DYNLT5: variants seen among roughly 807,000 people sequenced by gnomAD.
DYNLT5 encodes the protein dynein light chain Tctex-type family member 5.
Under a neutral mutation model 19.3 loss-of-function variants are expected in DYNLT5, and 25 were observed. That is an observed-to-expected ratio of 1.30 (90% CI 0.95 to 1.81). The LOEUF (loss-of-function observed/expected upper bound fraction) is 1.81, where lower values mean the gene tolerates loss of function less well. DYNLT5 is among the 40% of genes most tolerant of loss of function. The pLI, the probability that DYNLT5 is intolerant of heterozygous loss-of-function variation, is 0.00. For missense variants in DYNLT5, 232 were observed against 217.9 expected (o/e 1.06, Z -0.41); for synonymous variants, 82 against 68.9 (o/e 1.19, Z -0.94).
intron 2 of DYNLT5, among the ~76,000 whole-genome samples, chr1:66,767,735 CTTCT>C (rs1645173052): frequency 6.6e-6 from 1 of 152,160 alleles, no homozygotes; most frequent in South Asian, 2.1e-4. Flanking sequence ...AGTTCAGAGG[CTTCT>C]TTCTTATCTG....
At chr1:66,760,516 A>G (rs1323756594) in intron 2 of DYNLT5, among the ~76,000 whole-genome samples, 1 of 152,230 alleles carries the variant, frequency 6.6e-6, no homozygotes, top group East Asian at 1.9e-4. Context: ...CATAAGATGC[A>G]TTTACAGCAA....
chr1:66,759,118 C>T (rs1302176389), intron 2 of DYNLT5, among the ~76,000 whole-genome samples: 2 of 152,192 alleles, frequency 1.3e-5, no homozygotes, highest in East Asian at 1.9e-4. Context: ...AGCCATTTCA[C>T]ATACAATATC....
In DYNLT5 at chr1:66,778,162, G is replaced by C. The variant is rs533887537; in HGVS notation, c.*708G>C. 1.3e-5 allele frequency: 2 copies of C among 152,760 alleles called. No individual in the cohort carries two copies. Among genetic ancestry groups the C allele is most frequent in the South Asian group, 4.1e-4 (2 of 4,828 alleles). The allele number at this position is 152,760 out of a possible 1,614,324, so 9.5% of individuals were successfully genotyped here. ...AAAGGCTTTTTGGGACACTGAAGTA[G>C]ACATTGTGATATTAAATATACATGA... is the stretch of plus-strand genomic sequence containing the variant. On this transcript the variant is annotated 3_prime_UTR_variant, in exon 5 of 5. Coordinates refer to ENST00000282670, the MANE Select transcript of DYNLT5 (RefSeq NM_152665.3).
At chr1:66,756,048 G>A (rs950349639) in intron 2 of DYNLT5, among the ~76,000 whole-genome samples, 1 of 151,992 alleles carries the variant, frequency 6.6e-6, no homozygotes, top group East Asian at 1.9e-4. Flanking sequence ...TTGTCATATA[G>A]AATCAGAGTG....
chr1:66,767,731 G>C (rs1014616508), intron 2 of DYNLT5, among the ~76,000 whole-genome samples: 2 of 152,196 alleles, frequency 1.3e-5, no homozygotes, highest in African/African-American at 4.8e-5. Context: ...AGGAAGTTCA[G>C]AGGCTTCTTT....
At chr1:66,763,629 T>A (rs2094649640) in intron 2 of DYNLT5, among the ~76,000 whole-genome samples, 1 of 152,250 alleles carries the variant, frequency 6.6e-6, no homozygotes, top group Admixed American at 6.5e-5. Context: ...CACTTTTATG[T>A]TACAGAGATG....
chr1:66,776,221 G>A, intron 3 of DYNLT5, 58 bp from the exon 4 acceptor site: 2 of 1,580,128 alleles, frequency 1.3e-6, no homozygotes, highest in Non-Finnish European at 1.7e-6. Flanking sequence ...TAGCCTATGG[G>A]GTGGGTGGGT....
At chr1:66,766,215 A>G (rs576783748) in intron 2 of DYNLT5, among the ~76,000 whole-genome samples, 83 of 152,326 alleles carry the variant, frequency 5.4e-4, no homozygotes, top group African/African-American at 1.9e-3. Flanking sequence ...AATATTTTTT[A>G]TATTTAAAAA....
intron 3 of DYNLT5, among the ~76,000 whole-genome samples, chr1:66,771,458 G>A (rs759302627): frequency 1.3e-5 from 2 of 152,162 alleles, no homozygotes; most frequent in Non-Finnish European, 2.9e-5. Flanking sequence ...ATTCTAGGAT[G>A]GCATATAACC....
intron 4 of DYNLT5, among the ~76,000 whole-genome samples, 163 bp downstream of exon 4, chr1:66,776,566 T>G (rs554954647): frequency 5.5e-4 from 80 of 144,918 alleles, no homozygotes; most frequent in African/African-American, 1.3e-3. Flanking sequence ...TGTGGGTGTG[T>G]GTGTGTGTGT....
intron 3 of DYNLT5, among the ~76,000 whole-genome samples, chr1:66,773,998 C>T (rs764830667): frequency 6.6e-6 from 1 of 152,004 alleles, no homozygotes; most frequent in African/African-American, 2.4e-5. Context: ...TACTTCATTA[C>T]CATATTTCAA....
At position 66,777,392 on chromosome 1, in the gene DYNLT5, T is replaced by C; in HGVS notation, c.478T>C (p.Tyr160His). ...TCCTAAAAGTGATACCTTTTCATCT[T>C]ATGTTTTCAGAAATTCTTCTCTCTT... ...WDPKSDTFSS[Y>H]VFRNSSLFAL... The change falls in exon 5 of 5, where the codon TAT (tyrosine) becomes CAT (histidine). Residue 160 changes from tyrosine (Y) to histidine (H), a missense_variant. Coordinates refer to ENST00000282670, the MANE Select transcript of DYNLT5 (RefSeq NM_152665.3). 1 of 1,613,918 alleles carries C rather than the reference T, an allele frequency of 6.2e-7. No homozygotes were observed. Among genetic ancestry groups the C allele is most frequent in the African/African-American group, 1.3e-5 (1 of 75,042 alleles).
In DYNLT5 at chr1:66,753,997, C is replaced by T. The variant is rs919523171; in HGVS notation, c.-3-659C>T. ...GTAGAGTGGCTCATGCCTGTAATCC[C>T]AGCACTTTGGGAGGCTGAAGCAGGA... On this transcript the variant is annotated intron_variant, in intron 1 of 4. Coordinates refer to ENST00000282670, the MANE Select transcript of DYNLT5 (RefSeq NM_152665.3). Among the ~76,000 whole-genome samples, 3 of 151,620 alleles carry T rather than the reference C, an allele frequency of 2.0e-5. No homozygotes were observed. The South Asian group carries it at 6.3e-4, about 32-fold the overall frequency.
At chr1:66,775,937 G>C (rs114285111) in intron 3 of DYNLT5, among the ~76,000 whole-genome samples, 3,901 of 152,222 alleles carry the variant, frequency 0.026, 76 homozygotes, top group Non-Finnish European at 0.043. Context: ...AGATAGATTG[G>C]AGCGGGAGAT....
chr1:66,754,559 G>A (rs1366524737), intron 1 of DYNLT5, 97 bp from the exon 2 acceptor site: 14 of 1,309,090 alleles, frequency 1.1e-5, no homozygotes, highest in Non-Finnish European at 1.4e-5. Context: ...AAAATGGTAG[G>A]AAAACTATCT....
In DYNLT5 at chr1:66,771,327, A is replaced by G. The variant is rs569886817; in HGVS notation, c.211+849A>G. On this transcript the variant is annotated intron_variant, in intron 3 of 4. Transcript: ENST00000282670. ...ACAGCTAATATTCCTGCCATCCAAT[A>G]TACTTTTATACTTCTCTGGTAACCT... Among the ~76,000 whole-genome samples the G allele has an allele frequency of 4.6e-5, 7 of 152,310 alleles. No individual in the cohort carries two copies. The South Asian group carries it at 1.4e-3, about 32-fold the overall frequency.
At chr1:66,756,727 C>T (rs984030802) in intron 2 of DYNLT5, among the ~76,000 whole-genome samples, 6 of 152,246 alleles carry the variant, frequency 3.9e-5, no homozygotes, top group African/African-American at 1.2e-4. Context: ...AGTCCCAAAT[C>T]CTGACTATGA....
chr1:66,769,673 T>C (rs936408439), intron 2 of DYNLT5, among the ~76,000 whole-genome samples: 19 of 152,238 alleles, frequency 1.2e-4, no homozygotes, highest in African/African-American at 4.3e-4. Context: ...CTGAATTTCC[T>C]CTGAACTAAG....
At chr1:66,770,658 G>C in intron 3 of DYNLT5, 180 bp downstream of exon 3, 3 of 691,140 alleles carry the variant, frequency 4.3e-6, no homozygotes, top group Non-Finnish European at 7.9e-6. Context: ...AACAACACTT[G>C]CTGTCTTACT....
Sources: allele counts gnomAD v4.1 joint callset (sites outside exome capture counted in the v4.1 genomes callset), GRCh38; gene constraint gnomAD v4.1.1; transcripts MANE v1.5; gene names NCBI Gene and HGNC (gene_info 2026-07-23, HGNC 2026-07-21).